The following SCN8A variants were observed in gnomAD, a reference collection of about 807,000 sequenced individuals.
SCN8A encodes the protein sodium channel protein type 8 subunit alpha.
A neutral mutation model predicts 184.1 loss-of-function variants in SCN8A; 30 were observed. That is an observed-to-expected ratio of 0.16 (90% CI 0.12 to 0.22). The LOEUF (loss-of-function observed/expected upper bound fraction) is 0.22. Among genes scored for constraint, SCN8A ranks in the 10% least tolerant of loss-of-function variants. The probability of loss-of-function intolerance (pLI) is 1.00; values close to 1 mark genes in which losing one functional copy is unlikely to be tolerated. For synonymous variants in SCN8A, 852 were observed against 907.0 expected, an observed-to-expected ratio of 0.94 and a Z score of 1.09; for missense variants, 1,057 against 2,498.9, an observed-to-expected ratio of 0.42 and a Z score of 12.30.
chr12:51,639,558 C>G (rs1299756209), intron 1 of SCN8A, among the ~76,000 whole-genome samples: 1 of 151,180 alleles, frequency 6.6e-6, no homozygotes, highest in Non-Finnish European at 1.5e-5. Context: ...GGGACTATGG[C>G]TGCGCGCCAC....
At chr12:51,805,058 G>A (rs1938661534) in intron 26 of SCN8A, among the ~76,000 whole-genome samples, 2 of 152,132 alleles carry the variant, frequency 1.3e-5, no homozygotes, top group South Asian at 2.1e-4. Context: ...ATTCCATTGT[G>A]GAGAGTATCA....
intron 20 of SCN8A, chr12:51,780,407 GT>G: frequency 2.6e-6 from 1 of 388,418 alleles, no homozygotes; most frequent in Non-Finnish European, 4.7e-6. Flanking sequence ...CTTCCCTGTT[GT>G]TTTTTCTTCT....
intron 2 of SCN8A, among the ~76,000 whole-genome samples, chr12:51,673,038 A>AT: frequency 6.6e-6 from 1 of 152,022 alleles, no homozygotes; most frequent in Non-Finnish European, 1.5e-5. Flanking sequence ...GTTTCCTATC[A>AT]TTTTTAGAGA....
At chr12:51,740,464 C>T (rs987856661) in intron 12 of SCN8A, among the ~76,000 whole-genome samples, 2 of 152,136 alleles carry the variant, frequency 1.3e-5, no homozygotes, top group Admixed American at 6.6e-5. Context: ...TCCAAAATTC[C>T]TCTTATTGAT....
At chr12:51,784,330 G>A (rs1201115316) in intron 21 of SCN8A, among the ~76,000 whole-genome samples, 3 of 152,160 alleles carry the variant, frequency 2.0e-5, no homozygotes, top group Non-Finnish European at 2.9e-5. Flanking sequence ...GGGATGGGTG[G>A]ATCACTTTGA....
chr12:51,625,423 A>G (rs1940057315), intron 1 of SCN8A, among the ~76,000 whole-genome samples: 1 of 152,218 alleles, frequency 6.6e-6, no homozygotes, highest in Non-Finnish European at 1.5e-5. Context: ...CACCTGTCAA[A>G]AGACGTTGTT....
chr12:51,641,660 TG>T (rs1940456888), intron 1 of SCN8A, among the ~76,000 whole-genome samples: 1 of 152,230 alleles, frequency 6.6e-6, no homozygotes, highest in Admixed American at 6.5e-5. Context: ...TTGTTGACAT[TG>T]TTTATAGATG....
chr12:51,721,732 C>T lies in SCN8A; in HGVS notation c.1822C>T (p.Arg608Cys). ...RDSLFIPIRA[R>C]ERRSSYSGYS... ...CTCCCTCTTCATCCCCATCCGGGCC[C>T]GCGAGCGCCGGAGCAGCTACAGCGG... The change falls in exon 12 of 27, where the codon CGC becomes TGC. Residue 608 changes from arginine (R) to cysteine (C), a missense_variant. Arg to Cys is a radical substitution (Grantham distance 180). This residue lies in a region of SCN8A where 322 missense variants were observed against 390.1 expected (regional missense o/e 0.83). Coordinates refer to ENST00000627620, the MANE Select transcript of SCN8A (RefSeq NM_001330260.2). 6.3e-7 allele frequency: 1 copy of T among 1,599,264 alleles called. No homozygotes were observed. Among genetic ancestry groups the T allele is most frequent in the Admixed American group, 1.8e-5 (1 of 56,696 alleles).
At chr12:51,690,952 C>T (rs1941496197) in intron 6 of SCN8A, among the ~76,000 whole-genome samples, 1 of 152,170 alleles carries the variant, frequency 6.6e-6, no homozygotes, top group African/African-American at 2.4e-5. Flanking sequence ...ACAACCTTAA[C>T]TTACCAAGAT....
rs140473469 is a variant in SCN8A at position 51,673,555 on chromosome 12, A to C, written c.276+10462A>C. Among the ~76,000 whole-genome samples, 450 of 152,334 alleles carry C rather than the reference A, an allele frequency of 3.0e-3. 2 individuals are homozygous for C. The highest frequency in any genetic ancestry group is 5.1e-3 in the Non-Finnish European group (348 of 68,030). The stretch of plus-strand genomic sequence containing the variant: ...GTAGAAAAGTGACCGTATAGCTTCA[A>C]CTGGGCACCCAGAAGAAAGTTGGAT... On this transcript the variant is annotated intron_variant, in intron 2 of 26. Coordinates refer to ENST00000627620, the MANE Select transcript of SCN8A (RefSeq NM_001330260.2).
At chr12:51,792,375 A>G (rs1445638002) in intron 25 of SCN8A, among the ~76,000 whole-genome samples, 1 of 149,982 alleles carries the variant, frequency 6.7e-6, no homozygotes, top group African/African-American at 2.4e-5. Flanking sequence ...CCAGCTACTG[A>G]GAAGGCTGAG....
intron 2 of SCN8A, among the ~76,000 whole-genome samples, chr12:51,683,438 T>C (rs1941368237): frequency 1.3e-5 from 2 of 152,192 alleles, no homozygotes; most frequent in Admixed American, 6.5e-5. Context: ...AAGGCTGATA[T>C]TGGGGGCTCT....
intron 11 of SCN8A, among the ~76,000 whole-genome samples, chr12:51,714,532 G>A (rs944059803): frequency 1.3e-5 from 2 of 152,182 alleles, no homozygotes; most frequent in Non-Finnish European, 2.9e-5. Flanking sequence ...TATCATCTCA[G>A]TATTATTAGG....
intron 11 of SCN8A, among the ~76,000 whole-genome samples, chr12:51,709,657 G>T (rs1392912615): frequency 6.6e-6 from 1 of 152,048 alleles, no homozygotes; most frequent in Non-Finnish European, 1.5e-5. Flanking sequence ...GAGACAATGA[G>T]TATAGACTTC....
At position 51,687,214 on chromosome 12, in the gene SCN8A, G is replaced by A; in HGVS notation, c.609G>A (p.Met203Ile). ...PWNWLDFSVI[M>I]MAYVTEFVDL... The stretch of plus-strand genomic sequence containing the variant: ...ACTGGTTAGATTTCAGTGTCATCAT[G>A]ATGGCGTAAGTTCTCCCCTTACTTT... Residue 203 changes from methionine to isoleucine, a missense_variant, in exon 5 of 27, where the codon ATG (methionine) becomes ATA (isoleucine). Met to Ile is a conservative substitution (Grantham distance 10, BLOSUM62 1). Coordinates refer to ENST00000627620, the MANE Select transcript of SCN8A (RefSeq NM_001330260.2). The A allele has an allele frequency of 1.2e-6, 2 of 1,613,430 alleles. No homozygotes were observed. The highest frequency in any genetic ancestry group is 1.7e-6 in the Non-Finnish European group (2 of 1,179,498).
intron 26 of SCN8A, among the ~76,000 whole-genome samples, chr12:51,796,638 A>T (rs1427926408): frequency 6.6e-6 from 1 of 152,202 alleles, no homozygotes; most frequent in Non-Finnish European, 1.5e-5. Flanking sequence ...TCACGATCAC[A>T]AGGTGAAGTC....
rs1045349507 is a variant in SCN8A, at chr12:51,680,346, T to C, written c.277-3828T>C. 3.5e-4 allele frequency among the ~76,000 whole-genome samples: 53 copies of C among 152,214 alleles called. 1 individual carries two copies. Among genetic ancestry groups the C allele is most frequent in the Non-Finnish European group, 1.3e-4 (9 of 68,038 alleles). ...GTAAAGCCTTCTGCTTACAAAATCA[T>C]AGTTTTTGAATTCACTAAAGATGCT... On this transcript the variant is annotated intron_variant, in intron 2 of 26. Coordinates refer to ENST00000627620, the MANE Select transcript of SCN8A (RefSeq NM_001330260.2).
At chr12:51,777,753 C>T (rs1395883009) in intron 20 of SCN8A, among the ~76,000 whole-genome samples, 4 of 152,180 alleles carry the variant, frequency 2.6e-5, no homozygotes, top group Non-Finnish European at 5.9e-5. Context: ...AGATAAGTCA[C>T]CCACCCTGAA....
intron 1 of SCN8A, among the ~76,000 whole-genome samples, chr12:51,630,419 C>T (rs1159497191): frequency 1.3e-5 from 2 of 151,992 alleles, no homozygotes; most frequent in African/African-American, 2.4e-5. Flanking sequence ...CAAGGGTGAT[C>T]GATGTTGTAG....
Sources: gnomAD v4.1 joint callset for allele counts (sites outside exome capture counted in the v4.1 genomes callset) on GRCh38, gnomAD v4.1.1 for gene constraint, gnomAD v4.1.1 regional missense constraint, MANE v1.5 for transcripts, NCBI Gene and HGNC (gene_info 2026-07-23, HGNC 2026-07-21) for gene names.